The following HIVEP3 variants were observed in gnomAD, a reference collection of about 807,000 sequenced individuals.
HIVEP3 encodes transcription factor HIVEP3.
Under a neutral mutation model 152.8 loss-of-function variants are expected in HIVEP3, and 49 were observed. The ratio of observed to expected loss-of-function variants is 0.32; its 90% CI spans 0.26 to 0.41. HIVEP3 has a LOEUF of 0.41. Among genes scored for constraint, HIVEP3 ranks in the 10% least tolerant of loss-of-function variants. The pLI is 1.00. For synonymous variants in HIVEP3, 1,269 were observed against 1,289.0 expected, an observed-to-expected ratio of 0.98 and a Z score of 0.33; for missense variants, 2,790 against 3,103.3, an observed-to-expected ratio of 0.90 and a Z score of 2.40.
At chr1:41,932,963 C>T (rs1187325793) in intron 1 of HIVEP3, among the ~76,000 whole-genome samples, 1 of 151,846 alleles carries the variant, frequency 6.6e-6, no homozygotes, top group African/African-American at 2.4e-5. Flanking sequence ...GTTTCATCTC[C>T]ATACATTTGA....
chr1:41,632,681 A>C (rs6670309), intron 2 of HIVEP3, among the ~76,000 whole-genome samples: 78,525 of 151,898 alleles, frequency 0.52, 20,621 homozygotes, highest in Non-Finnish European at 0.55. Flanking sequence ...GCTTGAACCC[A>C]AGAGACAGAG....
chr1:41,831,954 G>C (rs975465398), intron 1 of HIVEP3, among the ~76,000 whole-genome samples: 2 of 152,204 alleles, frequency 1.3e-5, no homozygotes, highest in African/African-American at 4.8e-5. Flanking sequence ...TAATAAGTAA[G>C]TGATGGAGCC....
intron 1 of HIVEP3, among the ~76,000 whole-genome samples, chr1:41,961,003 T>C (rs756635620): frequency 7.2e-5 from 11 of 152,232 alleles, no homozygotes; most frequent in Non-Finnish European, 1.0e-4. Flanking sequence ...TTTTTGTGAC[T>C]GTTTCAACCA....
chr1:42,011,410 G>T (rs1487719234), intron 1 of HIVEP3, among the ~76,000 whole-genome samples: 1 of 152,200 alleles, frequency 6.6e-6, no homozygotes, highest in Non-Finnish European at 1.5e-5. Flanking sequence ...ATTAGTTTCT[G>T]TATTGACCTC....
intron 1 of HIVEP3, among the ~76,000 whole-genome samples, chr1:41,719,666 T>C (rs1257728198): frequency 6.6e-6 from 1 of 152,158 alleles, no homozygotes; most frequent in African/African-American, 2.4e-5. Context: ...TCTTGAGATG[T>C]CCGTCTTTCT....
At chr1:41,990,037 C>A (rs1216705043) in intron 1 of HIVEP3, among the ~76,000 whole-genome samples, 1 of 70,280 alleles carries the variant, frequency 1.4e-5, no homozygotes, top group African/African-American at 7.0e-5. Context: ...TACATTTTGG[C>A]ATGATTTTGC....
intron 3 of HIVEP3, among the ~76,000 whole-genome samples, chr1:41,598,032 A>T (rs188081222): frequency 1.3e-5 from 2 of 152,334 alleles, no homozygotes; most frequent in Admixed American, 1.3e-4. Context: ...CTGGACACCC[A>T]TGAGAACTCA....
intron 1 of HIVEP3, among the ~76,000 whole-genome samples, chr1:41,754,983 G>A (rs1333704769): frequency 6.6e-6 from 1 of 152,114 alleles, no homozygotes; most frequent in East Asian, 1.9e-4. Context: ...ACATGCCAAA[G>A]GAACCAGAAC....
At chr1:41,634,523 C>T (rs1039552665) in intron 2 of HIVEP3, among the ~76,000 whole-genome samples, 2 of 151,022 alleles carry the variant, frequency 1.3e-5, no homozygotes, top group South Asian at 4.2e-4. Flanking sequence ...ACAAAAGACA[C>T]AATAATATGA....
intron 1 of HIVEP3, among the ~76,000 whole-genome samples, chr1:41,826,571 G>A (rs150590348): frequency 6.6e-6 from 1 of 152,136 alleles, no homozygotes; most frequent in Non-Finnish European, 1.5e-5. Flanking sequence ...TTCCAGTGGG[G>A]GCCCTCACAG....
At chr1:41,709,616 T>C (rs1435339830) in intron 1 of HIVEP3, among the ~76,000 whole-genome samples, 1 of 152,054 alleles carries the variant, frequency 6.6e-6, no homozygotes, top group African/African-American at 2.4e-5. Context: ...GGGGTTTGGG[T>C]GGAATGGTGA....
chr1:41,703,136 G>T (rs955476003), intron 1 of HIVEP3, among the ~76,000 whole-genome samples: 7 of 152,196 alleles, frequency 4.6e-5, no homozygotes, highest in Non-Finnish European at 8.8e-5. Flanking sequence ...CCAGAGAGGT[G>T]ACAAGGCTTG....
intron 2 of HIVEP3, among the ~76,000 whole-genome samples, chr1:41,643,723 G>A (rs1365903455): frequency 1.3e-5 from 2 of 152,094 alleles, no homozygotes; most frequent in Non-Finnish European, 2.9e-5. Flanking sequence ...ACATGGCCTA[G>A]GAACCTGGAG....
intron 5 of HIVEP3, among the ~76,000 whole-genome samples, chr1:41,554,027 A>G (rs541775802): frequency 1.3e-5 from 2 of 152,200 alleles, no homozygotes; most frequent in South Asian, 4.2e-4. Context: ...TATTTCCTGA[A>G]TTTGAATGTT....
rs564217692 is a variant in HIVEP3, at chr1:41,661,756, G to A, written c.-720-32809C>T. On this transcript the variant is annotated intron_variant, in intron 2 of 8. Coordinates refer to ENST00000372583, the MANE Select transcript of HIVEP3 (RefSeq NM_024503.5). ...CGGTATGCGTGGGTGCGAGGGGTGA[G>A]CGCCGCGCCGGGGTGAGAGTCTGCG... 1.5e-3 allele frequency among the ~76,000 whole-genome samples: 230 copies of A among 152,362 alleles called. 1 individual carries two copies. Among genetic ancestry groups the A allele is most frequent in the Middle Eastern group, 0.01 (3 of 294 alleles).
At chr1:41,850,668 T>C (rs1239381990) in intron 1 of HIVEP3, among the ~76,000 whole-genome samples, 1 of 152,196 alleles carries the variant, frequency 6.6e-6, no homozygotes, top group Non-Finnish European at 1.5e-5. Context: ...GGTCATTTCT[T>C]AGTAAGGCTA....
chr1:41,850,338 A>T (rs561902901), intron 1 of HIVEP3, among the ~76,000 whole-genome samples: 1 of 152,220 alleles, frequency 6.6e-6, no homozygotes, highest in Admixed American at 6.5e-5. Flanking sequence ...CACACAAAGA[A>T]AAACTGTTTA....
chr1:41,672,139 C>A (rs943373), intron 2 of HIVEP3, among the ~76,000 whole-genome samples: 1 of 152,052 alleles, frequency 6.6e-6, no homozygotes, highest in Admixed American at 6.5e-5. Context: ...GCCCCTCTCA[C>A]CTGGGAGAGC....
At position 41,513,674 on chromosome 1, in the gene HIVEP3, G is replaced by T; in HGVS notation, c.5547C>A (p.Asp1849Glu). Residue 1849 changes from aspartate (D) to glutamate (E), a missense_variant, in exon 8 of 9, where the codon GAC becomes GAA. Physicochemically the swap from Asp to Glu is conservative, Grantham distance 45 (BLOSUM62 2). Coordinates refer to ENST00000372583, the MANE Select transcript of HIVEP3 (RefSeq NM_024503.5). ...CTGAGTCTGAGTCCGAGTCCTCCAG[G>T]TCCGAAAACTGGTGCTCCTCCACAG... Reference protein sequence around the residue: ...SEAVEEHQFSDLEDSDSDSDL... With the variant: ...SEAVEEHQFSELEDSDSDSDL... The T allele has an allele frequency of 6.2e-7, 1 of 1,612,588 alleles. No homozygotes were observed.
Sources: gnomAD v4.1 joint callset for allele counts (sites outside exome capture counted in the v4.1 genomes callset) on GRCh38, gnomAD v4.1.1 for gene constraint, MANE v1.5 for transcripts, NCBI Gene and HGNC (gene_info 2026-07-23, HGNC 2026-07-21) for gene names.